Variants in SCN9A observed in about 807,000 individuals in gnomAD.
SCN9A encodes sodium voltage-gated channel alpha subunit 9.
Under a neutral mutation model 187.0 loss-of-function variants are expected in SCN9A, and 131 were observed. The observed-to-expected ratio is 0.70, with a 90% CI of 0.61 to 0.81. SCN9A has a LOEUF of 0.81. Ranked by LOEUF, SCN9A falls within the 30% of genes least tolerant of loss-of-function variation. SCN9A has a pLI of 0.00. For missense variants in SCN9A, 2,252 were observed against 2,396.6 expected (o/e 0.94, Z 1.26); for synonymous variants, 809 against 808.6 (o/e 1.00, Z -0.01).
At chr2:166,369,650 G>T (rs1269425888) in intron 1 of SCN9A, among the ~76,000 whole-genome samples, 1 of 152,078 alleles carries the variant, frequency 6.6e-6, no homozygotes, top group Non-Finnish European at 1.5e-5. Context: ...TACAAAGATT[G>T]GTCCCATAAT....
chr2:166,226,463 T>C, intron 24 of SCN9A, 104 bp downstream of exon 24: 2 of 795,674 alleles, frequency 2.5e-6, no homozygotes, highest in Non-Finnish European at 3.9e-6. Flanking sequence ...GAAGTTCTAA[T>C]AAAATTAATC....
chr2:166,207,428 T>TTGTTGTTGTTG (rs1693861894), intron 24 of SCN9A, among the ~76,000 whole-genome samples: 1 of 150,058 alleles, frequency 6.7e-6, no homozygotes, highest in African/African-American at 2.5e-5. Context: ...TTAGAGTGTT[T>TTGTTGTTGTTG]TTGTTGTTGT....
chr2:166,284,304 A>G, intron 12 of SCN9A, 149 bp downstream of exon 12: 1 of 878,160 alleles, frequency 1.1e-6, no homozygotes. Flanking sequence ...AATGAGGATT[A>G]GGCTAATGAA....
intron 19 of SCN9A, 149 bp from the exon 20 acceptor site, chr2:166,238,416 A>AT: frequency 1.6e-6 from 1 of 607,962 alleles, no homozygotes; most frequent in Non-Finnish European, 2.9e-6. Context: ...GTTTACAGTT[A>AT]TCATATAACA....
intron 17 of SCN9A, among the ~76,000 whole-genome samples, chr2:166,265,671 C>T (rs1696701717): frequency 1.3e-5 from 2 of 151,996 alleles, no homozygotes; most frequent in Non-Finnish European, 2.9e-5. Context: ...TACTAATTTA[C>T]ATTCTCACAA....
chr2:166,293,261 G>A lies in SCN9A; in HGVS notation c.1077C>T (p.Thr359=). ...GGTAAAGGTTTTCCCAGTAATCTTG[G>A]GTCATTAGCCTAAACAAGGCTAAGA... ...WAFLALFRLM[T]QDYWENLYQQ... is the part of the protein sequence containing the mutation. The change falls in exon 9 of 27, where the codon ACC becomes ACT. Residue 359 remains threonine (T), a synonymous_variant. Coordinates refer to ENST00000642356, the MANE Select transcript of SCN9A (RefSeq NM_001365536.1). 1.3e-6 allele frequency: 2 copies of A among 1,590,196 alleles called. 1 individual carries two copies. Among genetic ancestry groups the A allele is most frequent in the South Asian group, 2.3e-5 (2 of 87,562 alleles).
At position 166,293,106 on chromosome 2, in the gene SCN9A, G is replaced by T. The variant is rs142692037; in HGVS notation, c.1107+125C>A. 2.4e-4 allele frequency: 177 copies of T among 739,452 alleles called. No homozygotes were observed. In the African/African-American group the frequency reaches 2.9e-3, roughly 12 times the overall value. 45.8% of individuals were successfully genotyped at this position (739,452 alleles called of 1,614,324 possible). The stretch of plus-strand genomic sequence containing the variant: ...ATGGGAGTAAAACACTTATAATTTT[G>T]GTAATAAGATAATAGAGTTTCCTCC... On this transcript the variant is annotated intron_variant, in intron 9 of 26. Coordinates refer to ENST00000642356, the MANE Select transcript of SCN9A (RefSeq NM_001365536.1).
At chr2:166,343,818 G>T (rs1699841697) in intron 1 of SCN9A, among the ~76,000 whole-genome samples, 2 of 151,862 alleles carry the variant, frequency 1.3e-5, no homozygotes, top group African/African-American at 4.8e-5. Flanking sequence ...GAAAAGAAAA[G>T]AAAAGAAAAA....
intron 9 of SCN9A, among the ~76,000 whole-genome samples, chr2:166,292,803 G>A (rs987541909): frequency 6.6e-6 from 1 of 152,150 alleles, no homozygotes; most frequent in Non-Finnish European, 1.5e-5. Flanking sequence ...AAAACTTAGA[G>A]AAATGAATTG....
At chr2:166,357,940 A>T (rs1440353027) in intron 1 of SCN9A, among the ~76,000 whole-genome samples, 1 of 152,102 alleles carries the variant, frequency 6.6e-6, no homozygotes, top group African/African-American at 2.4e-5. Flanking sequence ...GCTCTCCCCA[A>T]ACAATGTGTC....
rs1693390231 is a variant in SCN9A at position 166,199,739 on chromosome 2, G to A, written c.4900C>T (p.Leu1634Phe). 1 of 1,614,130 alleles carries A rather than the reference G, an allele frequency of 6.2e-7. No individual in the cohort carries two copies. The highest frequency in any genetic ancestry group is 1.7e-5 in the Admixed American group (1 of 60,004). Reference protein sequence around the residue: ...VKGAKGIRTLLFALMMSLPAL... With the variant: ...VKGAKGIRTLFFALMMSLPAL... ...GGAAGGGACATCATCAAAGCAAAGA[G>A]CAGCGTGCGGATCCCCTTTGCTCCT... The change falls in exon 27 of 27, where the codon CTC (leucine) becomes TTC (phenylalanine). Residue 1634 changes from leucine (L) to phenylalanine (F), a missense_variant. Around this residue, in one of 7 missense-constraint regions of SCN9A, gnomAD observed 84 missense variants for 134.2 expected, o/e 0.63. Coordinates refer to ENST00000642356, the MANE Select transcript of SCN9A (RefSeq NM_001365536.1).
At chr2:166,314,707 A>G (rs2105233447) in intron 1 of SCN9A, among the ~76,000 whole-genome samples, 1 of 152,322 alleles carries the variant, frequency 6.6e-6, no homozygotes, top group East Asian at 1.9e-4. Context: ...CCAAAAGGCC[A>G]CATACGATAT....
In SCN9A at chr2:166,284,785, G is replaced by A. The variant is rs1057518900; in HGVS notation, c.1642C>T (p.Arg548Ter). The A allele has an allele frequency of 3.1e-6, 5 of 1,612,620 alleles. No individual in the cohort carries two copies. The highest frequency in any genetic ancestry group is 2.2e-5 in the South Asian group (2 of 91,044). The change falls in exon 12 of 27, where the codon CGA (arginine) becomes TGA (stop). Residue 548 changes from arginine to a stop codon, truncating the protein, a stop_gained. Coordinates refer to ENST00000642356, the MANE Select transcript of SCN9A (RefSeq NM_001365536.1). LOFTEE classifies it high-confidence loss of function. ...CTAAAAAGACTTGTTCTGCTGCTTC[G>A]CCTTGCAGAAAACAAGGAGCCACGA... ...SIRGSLFSARRSSRTSLFSFK... is the reference protein window; with the variant it reads ...SIRGSLFSAR
At chr2:166,321,064 G>A (rs1052762798) in intron 1 of SCN9A, among the ~76,000 whole-genome samples, 3 of 152,098 alleles carry the variant, frequency 2.0e-5, no homozygotes, top group Non-Finnish European at 4.4e-5. Context: ...TATCAGATGA[G>A]TACACATACA....
intron 24 of SCN9A, among the ~76,000 whole-genome samples, chr2:166,210,828 C>T (rs544245149): frequency 7.0e-4 from 106 of 152,004 alleles, no homozygotes; most frequent in African/African-American, 2.2e-3. Context: ...AGGGGCTGAG[C>T]GGGAGTGGAT....
intron 5 of SCN9A, among the ~76,000 whole-genome samples, chr2:166,304,663 CAAAAGGCTGCAT>C (rs1161213129): frequency 6.6e-6 from 1 of 151,866 alleles, no homozygotes; most frequent in Non-Finnish European, 1.5e-5. Context: ...GTGTCAGACA[CAAAAGGCTGCAT>C]ACTGTTTGAT....
At chr2:166,206,639 G>A (rs1693821261) in intron 24 of SCN9A, among the ~76,000 whole-genome samples, 2 of 152,054 alleles carry the variant, frequency 1.3e-5, no homozygotes, top group Non-Finnish European at 1.5e-5. Flanking sequence ...TTTTGCACAT[G>A]TACCCTAGAA....
At chr2:166,302,232 G>C (rs1250781200) in intron 7 of SCN9A, 4 of 151,918 alleles carry the variant, frequency 2.6e-5, no homozygotes, top group Admixed American at 6.6e-5. Context: ...CCAGGTGTCA[G>C]ACAGAAAGTA....
chr2:166,280,222 A>G (rs1697415088), intron 14 of SCN9A, 135 bp downstream of exon 14: 1 of 611,764 alleles, frequency 1.6e-6, no homozygotes, highest in South Asian at 2.1e-5. Context: ...GACTCTACAC[A>G]TCCATTCATA....
Sources: allele counts gnomAD v4.1 joint callset (sites outside exome capture counted in the v4.1 genomes callset), GRCh38; gene constraint gnomAD v4.1.1; regional missense constraint gnomAD v4.1.1; transcripts MANE v1.5; gene names NCBI Gene and HGNC (gene_info 2026-07-23, HGNC 2026-07-21).